Variants in AJAP1 observed in about 807,000 individuals in gnomAD.
AJAP1 encodes adherens junctions associated protein 1, also known as adherens junction-associated protein 1.
AJAP1 carries 5 observed loss-of-function variants against 35.0 expected under a neutral mutation model. The ratio of observed to expected loss-of-function variants is 0.14; its 90% confidence interval spans 0.07 to 0.30. The LOEUF (loss-of-function observed/expected upper bound fraction) is 0.30. Among genes scored for constraint, AJAP1 ranks in the 10% least tolerant of loss-of-function variants. The pLI is 1.00. For synonymous variants in AJAP1, 284 were observed against 249.3 expected, an observed-to-expected ratio of 1.14 and a Z score of -1.31; for missense variants, 586 against 571.0, an observed-to-expected ratio of 1.03 and a Z score of -0.27.
intron 2 of AJAP1, among the ~76,000 whole-genome samples, chr1:4,736,861 C>T (rs1640938473): frequency 6.6e-6 from 1 of 152,164 alleles, no homozygotes; most frequent in African/African-American, 2.4e-5. Context: ...AAGAGGGCTT[C>T]TACATGGACC....
At chr1:4,729,988 C>T (rs879802837) in intron 2 of AJAP1, among the ~76,000 whole-genome samples, 5 of 152,134 alleles carry the variant, frequency 3.3e-5, no homozygotes, top group African/African-American at 1.2e-4. Context: ...CTTCTACTCC[C>T]CATTGTGTAA....
At chr1:4,757,077 T>C (rs1015225714) in intron 2 of AJAP1, among the ~76,000 whole-genome samples, 6 of 152,134 alleles carry the variant, frequency 3.9e-5, no homozygotes, top group Non-Finnish European at 7.4e-5. Context: ...GGGGAGGTGA[T>C]AAGGGAGCCC....
chr1:4,736,865 A>G (rs1640938634), intron 2 of AJAP1, among the ~76,000 whole-genome samples: 1 of 152,146 alleles, frequency 6.6e-6, no homozygotes, highest in Non-Finnish European at 1.5e-5. Context: ...GGGCTTCTAC[A>G]TGGACCTGCA....
chr1:4,754,098 C>G (rs1053042048), intron 2 of AJAP1, among the ~76,000 whole-genome samples: 1 of 152,164 alleles, frequency 6.6e-6, no homozygotes, highest in African/African-American at 2.4e-5. Context: ...TGGACCAATC[C>G]TGCCTGGTTC....
chr1:4,722,614 A>G (rs1640548158), intron 2 of AJAP1, among the ~76,000 whole-genome samples: 1 of 152,198 alleles, frequency 6.6e-6, no homozygotes. Flanking sequence ...TCATGATACA[A>G]GCAGGGCTGT....
At chr1:4,670,865 A>G (rs963328403) in intron 1 of AJAP1, among the ~76,000 whole-genome samples, 1 of 152,184 alleles carries the variant, frequency 6.6e-6, no homozygotes, top group African/African-American at 2.4e-5. Context: ...GACAACAAAC[A>G]TTTCTGTTTT....
chr1:4,711,853 T>C (rs1268175178), intron 1 of AJAP1, 47 bp from the exon 2 acceptor site: 1 of 1,396,088 alleles, frequency 7.2e-7, no homozygotes. Context: ...CCAGTCCCCC[T>C]CCTGGGCTTC....
intron 2 of AJAP1, among the ~76,000 whole-genome samples, chr1:4,729,972 C>T (rs573717234): frequency 1.3e-5 from 2 of 152,156 alleles, no homozygotes; most frequent in Non-Finnish European, 2.9e-5. Context: ...AAAGTACCCT[C>T]CCTTCCTTCT....
intron 2 of AJAP1, among the ~76,000 whole-genome samples, chr1:4,751,062 T>C (rs912361343): frequency 9.2e-5 from 14 of 151,940 alleles, no homozygotes; most frequent in African/African-American, 3.4e-4. Context: ...ACCATCTGCA[T>C]GGCCCCAAGG....
chr1:4,739,755 T>G (rs1187403129), intron 2 of AJAP1, among the ~76,000 whole-genome samples: 6 of 152,196 alleles, frequency 3.9e-5, no homozygotes, highest in African/African-American at 1.2e-4. Context: ...GTACTTGTGA[T>G]TTCTGTTCTT....
chr1:4,681,895 A>G (rs747051834), intron 1 of AJAP1, among the ~76,000 whole-genome samples: 4 of 152,296 alleles, frequency 2.6e-5, no homozygotes, highest in Middle Eastern at 3.4e-3. Flanking sequence ...AGCCTCTGGG[A>G]AAGCTTCTCT....
At chr1:4,748,010 CA>C (rs1469739395) in intron 2 of AJAP1, among the ~76,000 whole-genome samples, 2 of 149,874 alleles carry the variant, frequency 1.3e-5, no homozygotes, top group African/African-American at 2.5e-5. Context: ...AAAAACAAAG[CA>C]AAAAAACCCT....
At chr1:4,706,336 G>C (rs1640099968) in intron 1 of AJAP1, among the ~76,000 whole-genome samples, 1 of 152,222 alleles carries the variant, frequency 6.6e-6, no homozygotes, top group African/African-American at 2.4e-5. Flanking sequence ...AGGAGGCGGA[G>C]ACCTCAGAGC....
chr1:4,758,231 A>C (rs535503084), intron 2 of AJAP1, among the ~76,000 whole-genome samples: 66 of 152,252 alleles, frequency 4.3e-4, no homozygotes, highest in African/African-American at 1.5e-3. Context: ...AGACTAATAT[A>C]GTGTGTCACT....
Position 4,784,792 on chromosome 1 carries a change from C to G in AJAP1, c.*2307C>G, listed in dbSNP as rs949437283. On this transcript the variant is annotated 3_prime_UTR_variant, in exon 6 of 6. Coordinates refer to ENST00000378191, the MANE Select transcript of AJAP1 (RefSeq NM_018836.4). ...CTGGCATTTGGCCGTCTCCAGGTTCCTGGCACTCACCTGCATGGCGCTCCA... is the reference window on the plus strand; with the variant it reads ...CTGGCATTTGGCCGTCTCCAGGTTCGTGGCACTCACCTGCATGGCGCTCCA... The G allele has an allele frequency of 6.6e-6, 1 of 152,290 alleles. No homozygotes were observed. Among genetic ancestry groups the G allele is most frequent in the African/African-American group, 2.4e-5 (1 of 41,466 alleles). 9.4% of individuals were successfully genotyped at this position (152,290 alleles called of 1,614,324 possible).
At chr1:4,759,709 G>C (rs1641521190) in intron 2 of AJAP1, among the ~76,000 whole-genome samples, 1 of 152,154 alleles carries the variant, frequency 6.6e-6, no homozygotes, top group African/African-American at 2.4e-5. Context: ...GCGAGGTGCA[G>C]GCAGGCTTTT....
At chr1:4,690,387 T>C (rs765620078) in intron 1 of AJAP1, among the ~76,000 whole-genome samples, 25 of 152,120 alleles carry the variant, frequency 1.6e-4, no homozygotes, top group Non-Finnish European at 3.2e-4. Context: ...GTTTCAAGGA[T>C]GGGAGCCCGT....
intron 1 of AJAP1, among the ~76,000 whole-genome samples, chr1:4,689,188 C>T (rs2100222725): frequency 6.6e-6 from 1 of 152,280 alleles, no homozygotes; most frequent in South Asian, 2.1e-4. Context: ...GAGAAACACA[C>T]CGACGTCCTC....
At chr1:4,686,284 C>T (rs1405169365) in intron 1 of AJAP1, among the ~76,000 whole-genome samples, 1 of 152,138 alleles carries the variant, frequency 6.6e-6, no homozygotes, top group Non-Finnish European at 1.5e-5. Flanking sequence ...CATTTGTTGT[C>T]TCGGTCTGGC....
Sources: gnomAD v4.1 joint callset for allele counts (sites outside exome capture counted in the v4.1 genomes callset) on GRCh38, gnomAD v4.1.1 for gene constraint, MANE v1.5 for transcripts, NCBI Gene and HGNC (gene_info 2026-07-23, HGNC 2026-07-21) for gene names.